Variants in PHIP observed in about 807,000 individuals in gnomAD.
PHIP encodes the protein PHIP subunit of CUL4-Ring ligase complex.
In PHIP, 54 loss-of-function variants were observed where a neutral mutation model predicts 236.8. The observed-to-expected ratio is 0.23, with a 90% CI of 0.18 to 0.29. The LOEUF is 0.29. PHIP is among the 10% of genes least tolerant of loss of function. The pLI, the probability that PHIP is intolerant of heterozygous loss-of-function variation, is 1.00. For missense variants in PHIP, 1,370 were observed against 2,190.8 expected, an observed-to-expected ratio of 0.63 and a Z score of 7.48; for synonymous variants, 756 against 718.9, an observed-to-expected ratio of 1.05 and a Z score of -0.83.
intron 4 of PHIP, among the ~76,000 whole-genome samples, chr6:79,062,257 C>T (rs55786726): frequency 0.018 from 2,736 of 152,170 alleles, 91 homozygotes; most frequent in African/African-American, 0.061. Context: ...CTACAGAATC[C>T]CTTTTTTCCC....
chr6:79,026,244 T>A, intron 7 of PHIP, 80 bp from the exon 8 acceptor site: 1 of 948,406 alleles, frequency 1.1e-6, no homozygotes, highest in Non-Finnish European at 1.7e-6. Context: ...ATCTACCTGT[T>A]CTGTCCACTT....
rs200844517 is a variant in PHIP at position 79,070,113 on chromosome 6, T to TA, written c.189+7334dup. Among the ~76,000 whole-genome samples the TA allele has an allele frequency of 1.8e-3, 268 of 152,240 alleles. 1 individual carries two copies. Among genetic ancestry groups the TA allele is most frequent in the African/African-American group, 6.1e-3 (252 of 41,564 alleles). ...CATAAACCAAAGTAGGGATGCTCCA[T>TA]AAAAAATAATTTAAAATACAACAAA... On this transcript the variant is annotated intron_variant, in intron 4 of 39. Transcript: ENST00000275034.
Position 78,989,519 on chromosome 6 carries a change from G to A in PHIP, c.2320-1170C>T, listed in dbSNP as rs151083639. On this transcript the variant is annotated intron_variant, in intron 20 of 39. Coordinates refer to ENST00000275034, the MANE Select transcript of PHIP (RefSeq NM_017934.7). ...GACTCAATTAGACATCCTTGAAATC[G>A]AAAATAACCAATTAAATTTGGGAAA... Among the ~76,000 whole-genome samples, 28 of 152,142 alleles carry A rather than the reference G, an allele frequency of 1.8e-4. 1 individual carries two copies. The East Asian group carries it at 1.9e-3, about 10-fold the overall frequency.
chr6:79,041,455 A>C (rs1772208468), intron 7 of PHIP, among the ~76,000 whole-genome samples: 1 of 152,156 alleles, frequency 6.6e-6, no homozygotes, highest in Non-Finnish European at 1.5e-5. Flanking sequence ...TTTTAAAGAA[A>C]GAATTCCTAC....
At chr6:79,055,624 T>C (rs116455864) in intron 6 of PHIP, among the ~76,000 whole-genome samples, 5,620 of 152,272 alleles carry the variant, frequency 0.037, 101 homozygotes, top group Middle Eastern at 0.058. Flanking sequence ...AAGGAGGTTC[T>C]AGAGCACTGG....
chr6:79,015,039 C>A (rs1199483779), intron 15 of PHIP, 43 bp downstream of exon 15: 1 of 1,548,114 alleles, frequency 6.5e-7, no homozygotes, highest in East Asian at 2.3e-5. Context: ...TCAAAAAGCT[C>A]CCAAATCTTT....
chr6:79,077,999 G>A, intron 1 of PHIP, 30 bp downstream of exon 1: 1 of 1,607,130 alleles, frequency 6.2e-7, no homozygotes, highest in Non-Finnish European at 8.5e-7. Flanking sequence ...ATCGCCCGGT[G>A]CCAGCGGCCC....
At chr6:78,980,931 A>G (rs1768484380) in intron 23 of PHIP, among the ~76,000 whole-genome samples, 1 of 152,050 alleles carries the variant, frequency 6.6e-6, no homozygotes, top group Non-Finnish European at 1.5e-5. Flanking sequence ...TGGGGAAGCT[A>G]ACAACTTTTA....
intron 27 of PHIP, among the ~76,000 whole-genome samples, chr6:78,968,682 T>G (rs1767314647): frequency 6.6e-6 from 1 of 152,252 alleles, no homozygotes; most frequent in Non-Finnish European, 1.5e-5. Context: ...TGCTTGCTCC[T>G]AAGCAAAACA....
chr6:78,952,571 T>TAC (rs954491906), intron 35 of PHIP, among the ~76,000 whole-genome samples: 3 of 152,100 alleles, frequency 2.0e-5, no homozygotes, highest in African/African-American at 7.2e-5. Context: ...TATCTACCAC[T>TAC]ACCTCTTACC....
At position 78,969,846 on chromosome 6, in the gene PHIP, C is replaced by G; in HGVS notation, c.3194G>C (p.Arg1065Pro). Residue 1065 changes from arginine to proline, a missense_variant, in exon 27 of 40, where the codon CGA becomes CCA. This residue lies in a region of PHIP where 238 missense variants were observed against 398.5 expected (regional missense o/e 0.60). Transcript: ENST00000275034. Reference sequence around the variant, plus strand: ...AATAAATTACCCACCTATATTCCATCGCCTGTATTTTGCATCATCAAATTG... The same window carrying G: ...AATAAATTACCCACCTATATTCCATGGCCTGTATTTTGCATCATCAAATTG... ...RQQFDDAKYR[R>P]WNIGDRFRSV... The G allele has an allele frequency of 1.3e-6, 2 of 1,550,408 alleles. No homozygotes were observed. Among genetic ancestry groups the G allele is most frequent in the Non-Finnish European group, 1.8e-6 (2 of 1,127,950 alleles).
At chr6:79,027,059 T>C (rs1034955317) in intron 7 of PHIP, among the ~76,000 whole-genome samples, 2 of 152,066 alleles carry the variant, frequency 1.3e-5, no homozygotes, top group African/African-American at 4.8e-5. Context: ...TTAACGACCT[T>C]CCAATCTAAT....
At chr6:79,072,999 CTAT>C (rs1773962786) in intron 4 of PHIP, among the ~76,000 whole-genome samples, 1 of 152,116 alleles carries the variant, frequency 6.6e-6, no homozygotes, top group Non-Finnish European at 1.5e-5. Context: ...AAAGTAGAAG[CTAT>C]TATTAGCCCA....
intron 19 of PHIP, among the ~76,000 whole-genome samples, chr6:78,995,796 A>T (rs1769570017): frequency 6.6e-6 from 1 of 152,134 alleles, no homozygotes; most frequent in South Asian, 2.1e-4. Flanking sequence ...ATTCCATTTT[A>T]ATTAATGGAT....
At chr6:78,947,369 T>C (rs1386929820) in intron 36 of PHIP, among the ~76,000 whole-genome samples, 1 of 152,196 alleles carries the variant, frequency 6.6e-6, no homozygotes, top group Non-Finnish European at 1.5e-5. Flanking sequence ...ATGGCTCTGG[T>C]GCATACCAGG....
At chr6:79,037,860 G>A (rs1418535609) in intron 7 of PHIP, among the ~76,000 whole-genome samples, 2 of 152,114 alleles carry the variant, frequency 1.3e-5, no homozygotes, top group Non-Finnish European at 2.9e-5. Flanking sequence ...TACTCTGCAA[G>A]GCACTACAGA....
chr6:79,067,398 T>C (rs754915492), intron 4 of PHIP, among the ~76,000 whole-genome samples: 1 of 152,198 alleles, frequency 6.6e-6, no homozygotes, highest in Non-Finnish European at 1.5e-5. Context: ...TTTGGCTAAC[T>C]GTCCATCCAT....
At chr6:78,971,174 CATA>C (rs913226060) in intron 24 of PHIP, among the ~76,000 whole-genome samples, 2 of 152,136 alleles carry the variant, frequency 1.3e-5, no homozygotes, top group African/African-American at 2.4e-5. Flanking sequence ...ATCTATGTTG[CATA>C]ATAACGTTGA....
Position 78,940,496 on chromosome 6 carries a change from TTATATA to T in PHIP, c.*191_*196del, listed in dbSNP as rs55984056. ...ACATTTAAAATATATATGTATATAT[TTATATA>T]TATATATATATATTCATTTAAAGAA... On this transcript the variant is annotated 3_prime_UTR_variant, in exon 40 of 40. Transcript: ENST00000275034. 1.3e-4 allele frequency: 17 copies of T among 130,786 alleles called. No individual in the cohort carries two copies. Among genetic ancestry groups the T allele is most frequent in the South Asian group, 2.4e-4 (1 of 4,092 alleles). The allele number at this position is 130,786 out of a possible 1,614,324, so 8.1% of individuals were successfully genotyped here.
Sources: allele counts gnomAD v4.1 joint callset (sites outside exome capture counted in the v4.1 genomes callset), GRCh38; gene constraint gnomAD v4.1.1; regional missense constraint gnomAD v4.1.1; transcripts MANE v1.5; gene names NCBI Gene and HGNC (gene_info 2026-07-23, HGNC 2026-07-21).